Variants in SPG11 observed in about 807,000 individuals in gnomAD.
SPG11 encodes the protein SPG11 vesicle trafficking associated, spatacsin, also known as spatacsin.
SPG11 carries 222 observed loss-of-function variants against 274.0 expected under a neutral mutation model. That is an observed-to-expected ratio of 0.81 (90% confidence interval 0.73 to 0.91). The LOEUF (loss-of-function observed/expected upper bound fraction) is 0.91, where lower values mean the gene tolerates loss of function less well. Ranked by LOEUF, SPG11 falls within the 40% of genes least tolerant of loss-of-function variation. The probability of loss-of-function intolerance (pLI) is 0.00; values close to 1 mark genes in which losing one functional copy is unlikely to be tolerated. For missense variants in SPG11, 3,114 were observed against 2,872.7 expected, an observed-to-expected ratio of 1.08 and a Z score of -1.92; for synonymous variants, 1,144 against 1,039.7, an observed-to-expected ratio of 1.10 and a Z score of -1.93.
intron 33 of SPG11, among the ~76,000 whole-genome samples, chr15:44,571,645 C>A (rs1272982567): frequency 3.3e-5 from 5 of 151,426 alleles, no homozygotes; most frequent in African/African-American, 1.2e-4. Flanking sequence ...CTACAGGCAC[C>A]TGCAACCATG....
chr15:44,623,563 CA>C (rs147437384), intron 11 of SPG11, among the ~76,000 whole-genome samples: 2,136 of 152,190 alleles, frequency 0.014, 54 homozygotes, highest in East Asian at 0.097. Flanking sequence ...AGTAAAACCA[CA>C]GAGCATAAAG....
intron 35 of SPG11, among the ~76,000 whole-genome samples, chr15:44,568,234 G>A (rs2082348603): frequency 6.6e-6 from 1 of 152,170 alleles, no homozygotes; most frequent in Admixed American, 6.5e-5. Flanking sequence ...CCTGGAATAT[G>A]CATTACTTTT....
At chr15:44,603,894 T>C (rs1373099820) in intron 20 of SPG11, among the ~76,000 whole-genome samples, 1 of 151,390 alleles carries the variant, frequency 6.6e-6, no homozygotes, top group Non-Finnish European at 1.5e-5. Flanking sequence ...TTTTTTAAAT[T>C]GTTTGTTTGT....
At position 44,651,912 on chromosome 15, in the gene SPG11, CAAT is replaced by C. The variant is rs1555381612; in HGVS notation, c.1032_1034del (p.Leu345del). 1 of 1,611,958 alleles carries C rather than the reference CAAT, an allele frequency of 6.2e-7. No individual in the cohort carries two copies. Among genetic ancestry groups the C allele is most frequent in the Admixed American group, 1.7e-5 (1 of 59,674 alleles). On this transcript the variant is annotated inframe_deletion, in exon 6 of 40. Coordinates refer to ENST00000261866, the MANE Select transcript of SPG11 (RefSeq NM_025137.4). ...GTTTGGAGTTCTTTATTGTTTCATT[CAAT>C]GATGATAGCTGGGCTTTCCAAGACC...
chr15:44,649,886 C>T (rs1666753441), intron 6 of SPG11, among the ~76,000 whole-genome samples: 1 of 149,404 alleles, frequency 6.7e-6, no homozygotes, highest in African/African-American at 2.5e-5. Flanking sequence ...AAGAGTGAGA[C>T]TCCATATCAA....
chr15:44,591,738 C>T (rs182045284), intron 27 of SPG11, among the ~76,000 whole-genome samples: 37 of 152,130 alleles, frequency 2.4e-4, no homozygotes, highest in Non-Finnish European at 4.3e-4. Context: ...TTTGAGAGGC[C>T]GAGGCAGGAG....
intron 4 of SPG11, among the ~76,000 whole-genome samples, chr15:44,654,839 A>G (rs1019797498): frequency 4.0e-5 from 6 of 151,538 alleles, no homozygotes; most frequent in Non-Finnish European, 8.8e-5. Flanking sequence ...TCCATCTCAA[A>G]AAAGAAAAAA....
At chr15:44,620,825 A>C (rs189924390) in intron 14 of SPG11, 1 of 168,920 alleles carries the variant, frequency 5.9e-6, no homozygotes, top group South Asian at 1.4e-4. Flanking sequence ...CGGCCTCCCA[A>C]GTAGCTGGGA....
chr15:44,601,267 A>AT (rs923126733), intron 20 of SPG11, among the ~76,000 whole-genome samples: 38 of 148,850 alleles, frequency 2.6e-4, no homozygotes, highest in East Asian at 3.9e-4. Flanking sequence ...TTGATTTTTT[A>AT]TTTTTTTTTT....
intron 6 of SPG11, among the ~76,000 whole-genome samples, chr15:44,650,005 A>G (rs964206417): frequency 2.0e-5 from 3 of 152,182 alleles, no homozygotes; most frequent in Non-Finnish European, 4.4e-5. Context: ...TTACTATTAT[A>G]AAATAATTCA....
chr15:44,593,474 G>A (rs888393558), intron 26 of SPG11, among the ~76,000 whole-genome samples: 17 of 152,184 alleles, frequency 1.1e-4, no homozygotes, highest in African/African-American at 3.6e-4. Context: ...ACAAGTGTGC[G>A]CTAGCATGCC....
intron 33 of SPG11, 154 bp downstream of exon 33, chr15:44,572,529 A>G: frequency 1.4e-6 from 1 of 713,918 alleles, no homozygotes; most frequent in South Asian, 1.7e-5. Context: ...TTCTTCAGTG[A>G]AGTTAAGGCT....
Position 44,629,296 on chromosome 15 carries a change from A to C in SPG11, c.1828T>G (p.Leu610Val). The C allele has an allele frequency of 2.5e-6, 4 of 1,614,124 alleles. No individual in the cohort carries two copies. The South Asian group carries it at 4.4e-5, about 18-fold the overall frequency. The change falls in exon 9 of 40, where the codon TTG becomes GTG. Residue 610 changes from leucine (L) to valine (V), a missense_variant. Physicochemically the swap from Leu to Val is conservative, Grantham distance 32. Transcript: ENST00000261866. Reference protein sequence around the residue: ...EPQSKHFSEQLLNLTLSFLNN... With the variant: ...EPQSKHFSEQVLNLTLSFLNN... Reference sequence around the variant, plus strand: ...AGGAAAGACAGTGTAAGATTAAGCAATTGTTCTGAAAAGTGTTTGCTTTGG... The same window carrying C: ...AGGAAAGACAGTGTAAGATTAAGCACTTGTTCTGAAAAGTGTTTGCTTTGG...
At chr15:44,569,373 CT>C in intron 35 of SPG11, 24 bp downstream of exon 35, 1 of 1,504,012 alleles carries the variant, frequency 6.6e-7, no homozygotes, top group South Asian at 1.2e-5. Flanking sequence ...ACACCCCATC[CT>C]GGAGCTCATT....
intron 7 of SPG11, among the ~76,000 whole-genome samples, chr15:44,636,952 A>AAC (rs2084289707): frequency 1.6e-5 from 2 of 127,368 alleles, no homozygotes; most frequent in African/African-American, 6.8e-5. Flanking sequence ...AAAAAAAAAA[A>AAC]AAAAACAAAA....
At chr15:44,577,236 C>T (rs2082558005) in intron 30 of SPG11, among the ~76,000 whole-genome samples, 1 of 152,066 alleles carries the variant, frequency 6.6e-6, no homozygotes, top group South Asian at 2.1e-4. Context: ...GAGGTGGTGG[C>T]TCATGCCTGT....
intron 6 of SPG11, among the ~76,000 whole-genome samples, chr15:44,649,230 C>T (rs1010052344): frequency 1.3e-5 from 2 of 151,742 alleles, no homozygotes; most frequent in Non-Finnish European, 2.9e-5. Context: ...ACAGAGTCTC[C>T]CTCTATTGCC....
chr15:44,564,791 T>TA, intron 38 of SPG11, 93 bp from the exon 39 acceptor site: 1 of 1,342,704 alleles, frequency 7.4e-7, no homozygotes, highest in Non-Finnish European at 1.1e-6. Context: ...GTATACTCAC[T>TA]CATGTAGTGA....
Position 44,572,832 on chromosome 15 carries a change from G to C in SPG11, c.6206-12C>G, listed in dbSNP as rs371343944. ...CATCTGCTTATGTCCTGTACAGAGA[G>C]GTGTGAAGACAGGTGCTGGTTTTAT... On this transcript the variant is annotated splice_polypyrimidine_tract_variant and intron_variant, in intron 32 of 39. Transcript: ENST00000261866. 7 of 1,613,750 alleles carry C rather than the reference G, an allele frequency of 4.3e-6. No homozygotes were observed. Among genetic ancestry groups the C allele is most frequent in the Non-Finnish European group, 5.9e-6 (7 of 1,179,896 alleles).
Sources: allele counts gnomAD v4.1 joint callset (sites outside exome capture counted in the v4.1 genomes callset), GRCh38; gene constraint gnomAD v4.1.1; transcripts MANE v1.5; gene names NCBI Gene and HGNC (gene_info 2026-07-23, HGNC 2026-07-21).